The following RANBP2 variants were observed in gnomAD, a reference collection of about 807,000 sequenced individuals.
RANBP2 encodes the protein RAN binding protein 2.
Under a neutral mutation model 303.6 loss-of-function variants are expected in RANBP2, and 57 were observed. The observed-to-expected ratio is 0.19, with a 90% CI of 0.15 to 0.23. The LOEUF is 0.23. Ranked by LOEUF, RANBP2 falls within the 10% of genes least tolerant of loss-of-function variation. The pLI is 1.00. For synonymous variants in RANBP2, 1,167 were observed against 1,301.5 expected (o/e 0.90, Z 2.23); for missense variants, 3,138 against 3,780.8 (o/e 0.83, Z 4.46).
downstream of RANBP2, chr2:108,786,808 C>G (rs780012510): frequency 1.9e-6 from 3 of 1,577,810 alleles, no homozygotes; most frequent in African/African-American, 1.3e-5. Flanking sequence ...GAGACTGGTA[C>G]GGTTGCTGTG....
chr2:108,810,853 A>G, the RANBP2 span, among the ~76,000 whole-genome samples: 4 of 152,160 alleles, frequency 2.6e-5, no homozygotes, highest in Admixed American at 2.0e-4. Context: ...CTACAATTCA[A>G]TCTTGTTACT....
chr2:109,283,863 G>A, the RANBP2 span, among the ~76,000 whole-genome samples: 3 of 152,172 alleles, frequency 2.0e-5, no homozygotes, highest in African/African-American at 7.2e-5. Context: ...GGGATGCTGG[G>A]GAGTGAGTAT....
the RANBP2 span, among the ~76,000 whole-genome samples, chr2:109,590,756 G>C: frequency 6.6e-6 from 1 of 152,104 alleles, no homozygotes. Context: ...CAGGGCCTGG[G>C]CACTTCCTGG....
chr2:108,832,068 C>T, the RANBP2 span, among the ~76,000 whole-genome samples: 11 of 148,360 alleles, frequency 7.4e-5, no homozygotes, highest in African/African-American at 1.8e-4. Context: ...CTCACTCTGT[C>T]GCCCAGGCTG....
chr2:109,629,337 ATATATATATATATATATATTT>A, the RANBP2 span, among the ~76,000 whole-genome samples: 52 of 10,150 alleles, frequency 5.1e-3, no homozygotes, highest in East Asian at 0.032. Context: ...ATATATATAT[ATATATATATATATATATATTT>A]TTTTTTTTTT....
the RANBP2 span, among the ~76,000 whole-genome samples, chr2:109,273,647 A>G: frequency 6.6e-6 from 1 of 152,192 alleles, no homozygotes; most frequent in African/African-American, 2.4e-5. Flanking sequence ...TCATATGATG[A>G]TAGACATTAA....
At chr2:108,851,760 A>C in the RANBP2 span, among the ~76,000 whole-genome samples, 3 of 152,198 alleles carry the variant, frequency 2.0e-5, no homozygotes, top group African/African-American at 7.2e-5. Flanking sequence ...GGGCAGGAGA[A>C]GGTCAGAGAC....
At chr2:109,008,378 G>A in the RANBP2 span, among the ~76,000 whole-genome samples, 6 of 152,122 alleles carry the variant, frequency 3.9e-5, no homozygotes, top group Non-Finnish European at 1.5e-5. Flanking sequence ...ATAGATGAAG[G>A]AGACTGAACT....
chr2:109,726,746 G>A, the RANBP2 span, among the ~76,000 whole-genome samples: 2 of 152,174 alleles, frequency 1.3e-5, no homozygotes, highest in Non-Finnish European at 2.9e-5. Flanking sequence ...GTGCTCTGGA[G>A]AGTGGGGAGC....
chr2:109,709,114 C>G, the RANBP2 span, among the ~76,000 whole-genome samples: 1 of 151,574 alleles, frequency 6.6e-6, no homozygotes, highest in Non-Finnish European at 1.5e-5. Flanking sequence ...ACCAGCCTGA[C>G]CAACATGGAG....
chr2:109,497,715 A>C, the RANBP2 span, among the ~76,000 whole-genome samples: 143 of 152,334 alleles, frequency 9.4e-4, 1 homozygote, highest in African/African-American at 2.8e-3. Flanking sequence ...AACGTTAAAC[A>C]CTTGTCTCGT....
the RANBP2 span, among the ~76,000 whole-genome samples, chr2:109,580,142 G>C: frequency 6.6e-6 from 1 of 150,876 alleles, no homozygotes; most frequent in African/African-American, 2.4e-5. Context: ...TATAAGACAA[G>C]AATACAGGCT....
At chr2:108,926,305 C>T in the RANBP2 span, among the ~76,000 whole-genome samples, 2 of 152,154 alleles carry the variant, frequency 1.3e-5, no homozygotes, top group African/African-American at 2.4e-5. Context: ...CCCTAGCCCC[C>T]CAACCCCTGT....
the RANBP2 span, among the ~76,000 whole-genome samples, chr2:109,289,414 T>C: frequency 1.3e-5 from 2 of 152,190 alleles, no homozygotes; most frequent in Non-Finnish European, 2.9e-5. Flanking sequence ...CAAACTGTTG[T>C]TGGAACATGA....
the RANBP2 span, among the ~76,000 whole-genome samples, chr2:109,421,397 C>T: frequency 6.6e-6 from 1 of 152,238 alleles, no homozygotes; most frequent in Non-Finnish European, 1.5e-5. Flanking sequence ...AGAGGGCTCC[C>T]CAGCTTGAGG....
chr2:109,255,199 A>G, the RANBP2 span, among the ~76,000 whole-genome samples: 64 of 152,204 alleles, frequency 4.2e-4, 1 homozygote, highest in South Asian at 0.013. Flanking sequence ...CACTTTCCTA[A>G]TCAATTTAGG....
At chr2:109,474,685 CT>C in the RANBP2 span, among the ~76,000 whole-genome samples, 2 of 152,238 alleles carry the variant, frequency 1.3e-5, no homozygotes, top group Non-Finnish European at 2.9e-5. Flanking sequence ...CAGCCCCTTA[CT>C]TTTCTCCAAA....
At chr2:108,732,741 AC>A (rs1319655263) in intron 4 of RANBP2, among the ~76,000 whole-genome samples, 2 of 152,230 alleles carry the variant, frequency 1.3e-5, no homozygotes, top group East Asian at 3.8e-4. Context: ...ACCTCTGGCA[AC>A]CATTAATCTG....
the RANBP2 span, among the ~76,000 whole-genome samples, chr2:109,293,190 G>A: frequency 3.9e-5 from 6 of 152,262 alleles, no homozygotes; most frequent in Non-Finnish European, 8.8e-5. Context: ...ATGGTGCTGT[G>A]TGGGGCCCTG....
Sources: gnomAD v4.1 joint callset for allele counts (sites outside exome capture counted in the v4.1 genomes callset) on GRCh38, gnomAD v4.1.1 for gene constraint, MANE v1.5 for transcripts, NCBI Gene and HGNC (gene_info 2026-07-23, HGNC 2026-07-21) for gene names.